The following LINGO2 variants were observed in gnomAD, a reference collection of about 807,000 sequenced individuals.
The protein encoded by LINGO2 is leucine rich repeat and Ig domain containing 2, also known as leucine-rich repeat and immunoglobulin-like domain-containing nogo receptor-interacting protein 2.
A neutral mutation model predicts 30.6 loss-of-function variants in LINGO2; 14 were observed. The ratio of observed to expected loss-of-function variants is 0.46; its 90% CI spans 0.30 to 0.72. LINGO2 has a LOEUF of 0.72. LINGO2 is among the 30% of genes least tolerant of loss of function. The pLI, the probability that LINGO2 is intolerant of heterozygous loss-of-function variation, is 0.07. For missense variants in LINGO2, 729 were observed against 751.7 expected (o/e 0.97, Z 0.35); for synonymous variants, 317 against 288.5 (o/e 1.10, Z -1.00).
intron 2 of LINGO2, among the ~76,000 whole-genome samples, chr9:28,475,187 G>A (rs961248244): frequency 3.9e-5 from 6 of 151,982 alleles, no homozygotes; most frequent in Admixed American, 1.3e-4. Flanking sequence ...ACACAATTAC[G>A]TATTCATAAG....
At chr9:28,337,071 T>C (rs966948777) in intron 3 of LINGO2, among the ~76,000 whole-genome samples, 8 of 148,946 alleles carry the variant, frequency 5.4e-5, no homozygotes, top group African/African-American at 2.0e-4. Context: ...TTTCATATTA[T>C]AAAAATAAAA....
the LINGO2 span, among the ~76,000 whole-genome samples, chr9:28,825,857 G>A: frequency 6.6e-6 from 1 of 152,070 alleles, no homozygotes; most frequent in Non-Finnish European, 1.5e-5. Context: ...CTGTTATCTT[G>A]GAGCCATCAA....
At chr9:28,502,273 T>C (rs562962703) in intron 1 of LINGO2, among the ~76,000 whole-genome samples, 2 of 152,084 alleles carry the variant, frequency 1.3e-5, no homozygotes, top group Non-Finnish European at 2.9e-5. Context: ...TTTCTGCATA[T>C]GTGGTCTCAT....
chr9:28,084,576 T>A (rs924789837), intron 4 of LINGO2, among the ~76,000 whole-genome samples: 1 of 152,126 alleles, frequency 6.6e-6, no homozygotes, highest in Non-Finnish European at 1.5e-5. Context: ...AGGTAGACTT[T>A]CTTATTCCTA....
At chr9:28,155,467 G>T (rs1828107397) in intron 4 of LINGO2, among the ~76,000 whole-genome samples, 1 of 152,160 alleles carries the variant, frequency 6.6e-6, no homozygotes, top group East Asian at 1.9e-4. Context: ...TAGTCAAAAT[G>T]ATCTTTTTAA....
At chr9:28,374,563 T>C (rs1178792726) in intron 2 of LINGO2, among the ~76,000 whole-genome samples, 3 of 152,118 alleles carry the variant, frequency 2.0e-5, no homozygotes, top group Non-Finnish European at 4.4e-5. Context: ...ACTCCTTTCA[T>C]CTGCCTGCCT....
chr9:28,762,090 T>C, the LINGO2 span, among the ~76,000 whole-genome samples: 1 of 152,046 alleles, frequency 6.6e-6, no homozygotes, highest in Admixed American at 6.6e-5. Context: ...CTAACACATA[T>C]CACTTAATTG....
At chr9:29,093,974 G>C in the LINGO2 span, among the ~76,000 whole-genome samples, 1 of 137,744 alleles carries the variant, frequency 7.3e-6, no homozygotes, top group Non-Finnish European at 1.6e-5. Flanking sequence ...AAATTACCTT[G>C]CTTAAGAAAA....
At chr9:29,156,398 C>G in the LINGO2 span, among the ~76,000 whole-genome samples, 1 of 152,026 alleles carries the variant, frequency 6.6e-6, no homozygotes, top group Non-Finnish European at 1.5e-5. Flanking sequence ...CCTCTAAATT[C>G]ATATTATAGC....
chr9:28,378,991 C>T (rs936685570), intron 2 of LINGO2, among the ~76,000 whole-genome samples: 1 of 152,066 alleles, frequency 6.6e-6, no homozygotes, highest in African/African-American at 2.4e-5. Context: ...GTCTGACAAA[C>T]AGATAAAGAC....
intron 5 of LINGO2, among the ~76,000 whole-genome samples, chr9:28,005,792 G>T (rs189886726): frequency 6.6e-6 from 1 of 151,356 alleles, no homozygotes; most frequent in East Asian, 1.9e-4. Flanking sequence ...TCCTTTATAG[G>T]GCCACCAAGA....
intron 2 of LINGO2, among the ~76,000 whole-genome samples, chr9:28,373,110 TG>T (rs1820968955): frequency 6.6e-6 from 1 of 152,156 alleles, no homozygotes; most frequent in Non-Finnish European, 1.5e-5. Flanking sequence ...AAATTTCTTA[TG>T]AGTATAGAAA....
intron 2 of LINGO2, among the ~76,000 whole-genome samples, chr9:28,426,015 AAGAT>A (rs1823395710): frequency 6.6e-6 from 1 of 152,060 alleles, no homozygotes; most frequent in African/African-American, 2.4e-5. Flanking sequence ...TGCTTCAGAG[AAGAT>A]AGAGTCATTT....
chr9:28,876,225 C>T, the LINGO2 span, among the ~76,000 whole-genome samples: 28 of 151,676 alleles, frequency 1.8e-4, no homozygotes, highest in South Asian at 6.2e-4. Context: ...GTCATGCCTA[C>T]GATATAGTAT....
At chr9:28,022,976 G>A (rs1426396552) in intron 4 of LINGO2, among the ~76,000 whole-genome samples, 1 of 151,868 alleles carries the variant, frequency 6.6e-6, no homozygotes, top group Non-Finnish European at 1.5e-5. Context: ...ACTCCTCAAA[G>A]ACATTTTTCA....
the LINGO2 span, among the ~76,000 whole-genome samples, chr9:29,207,677 C>A: frequency 6.6e-6 from 1 of 151,980 alleles, no homozygotes; most frequent in East Asian, 1.9e-4. Context: ...TTTAGTCTTA[C>A]TCATTTTGTT....
chr9:28,785,082 A>T, the LINGO2 span, among the ~76,000 whole-genome samples: 1 of 152,240 alleles, frequency 6.6e-6, no homozygotes, highest in African/African-American at 2.4e-5. Context: ...GAAAGAAAAC[A>T]ATTCAGGAGA....
intron 5 of LINGO2, among the ~76,000 whole-genome samples, chr9:28,001,695 G>A (rs1234286530): frequency 1.4e-5 from 2 of 139,726 alleles, no homozygotes; most frequent in African/African-American, 4.9e-5. Context: ...GAAAGCAGGG[G>A]GCAGAAAGGA....
intron 5 of LINGO2, among the ~76,000 whole-genome samples, chr9:27,964,036 C>CT (rs1198460709): frequency 1.3e-5 from 2 of 152,010 alleles, no homozygotes; most frequent in Non-Finnish European, 2.9e-5. Context: ...TTTCAACTCT[C>CT]TTTTTACAGA....
Sources: gnomAD v4.1 joint callset for allele counts (sites outside exome capture counted in the v4.1 genomes callset) on GRCh38, gnomAD v4.1.1 for gene constraint, MANE v1.5 for transcripts, NCBI Gene and HGNC (gene_info 2026-07-23, HGNC 2026-07-21) for gene names.